The following WWOX variants were observed in gnomAD, a reference collection of about 807,000 sequenced individuals.
WWOX encodes the protein WW domain-containing oxidoreductase.
A neutral mutation model predicts 46.2 loss-of-function variants in WWOX; 69 were observed. The observed-to-expected ratio is 1.49, with a 90% CI of 1.23 to 1.82. The LOEUF is 1.82. WWOX is among the 40% of genes most tolerant of loss of function. The pLI, the probability that WWOX is intolerant of heterozygous loss-of-function variation, is 0.00. For missense variants in WWOX, 919 were observed against 542.6 expected (o/e 1.69, Z -6.89); for synonymous variants, 359 against 202.6 (o/e 1.77, Z -6.56).
At chr16:78,517,855 ATTTTTT>A (rs11342538) in intron 8 of WWOX, among the ~76,000 whole-genome samples, 1 of 86,394 alleles carries the variant, frequency 1.2e-5, no homozygotes. Context: ...TACACAACCT[ATTTTTT>A]TTTTTTTTTT....
At chr16:78,432,807 C>A (rs11150078) in intron 8 of WWOX, 55 bp downstream of exon 8, 22,921 of 1,612,774 alleles carry the variant, frequency 0.014, 254 homozygotes, top group African/African-American at 0.044. Flanking sequence ...GAAACCTGCA[C>A]ACTTGTGTCT....
chr16:78,980,959 G>A (rs915618713), intron 8 of WWOX, among the ~76,000 whole-genome samples: 1 of 152,110 alleles, frequency 6.6e-6, no homozygotes, highest in Admixed American at 6.6e-5. Context: ...AAAGTCACAG[G>A]GTTGGCCCCA....
At position 78,396,293 on chromosome 16, in the gene WWOX, G is replaced by A. The variant is rs549901440; in HGVS notation, c.605+9345G>A. Among the ~76,000 whole-genome samples, 3 of 151,968 alleles carry A rather than the reference G, an allele frequency of 2.0e-5. No homozygotes were observed. In the South Asian group the frequency reaches 6.2e-4, roughly 32 times the overall value. On this transcript the variant is annotated intron_variant, in intron 6 of 8. Coordinates refer to ENST00000566780, the MANE Select transcript of WWOX (RefSeq NM_016373.4). ...ACATCAATTAGGGGTCACTTAGCAT[G>A]ACATTTGTCGGAAAAAAAAAAGTTA...
chr16:78,236,231 C>T (rs1419345565), intron 5 of WWOX, among the ~76,000 whole-genome samples: 2 of 152,162 alleles, frequency 1.3e-5, no homozygotes, highest in African/African-American at 4.8e-5. Context: ...TTCTCACTGT[C>T]AATGTGTTCT....
chr16:78,497,869 A>C (rs548050404), intron 8 of WWOX, among the ~76,000 whole-genome samples: 1 of 19,488 alleles, frequency 5.1e-5, no homozygotes, highest in Non-Finnish European at 6.8e-4. Flanking sequence ...TAAAAAAATT[A>C]AAAAAGCCCA....
intron 4 of WWOX, among the ~76,000 whole-genome samples, chr16:78,144,236 A>G (rs2034087058): frequency 6.6e-6 from 1 of 151,420 alleles, no homozygotes; most frequent in Non-Finnish European, 1.5e-5. Context: ...TAATAGTTGA[A>G]TAGCACAGCT....
intron 8 of WWOX, among the ~76,000 whole-genome samples, chr16:79,105,052 A>T (rs1292515475): frequency 6.6e-6 from 1 of 152,058 alleles, no homozygotes; most frequent in African/African-American, 2.4e-5. Context: ...CAGTTTACAA[A>T]AGTGGAAAAT....
chr16:78,186,829 A>C (rs2035722309), intron 5 of WWOX, among the ~76,000 whole-genome samples: 1 of 152,238 alleles, frequency 6.6e-6, no homozygotes, highest in East Asian at 1.9e-4. Context: ...AGTTGCGAAG[A>C]ATAGTCTATA....
rs78813566 is a variant in WWOX, at chr16:79,170,202, A to G, written c.1057-41406A>G. On this transcript the variant is annotated intron_variant, in intron 8 of 8. Transcript: ENST00000566780. ...GAAATGATTCCCGGTAGAATGTCCTATGTTCCTTTTGCACATTTCTCCTTA... is the reference window on the plus strand; with the variant it reads ...GAAATGATTCCCGGTAGAATGTCCTGTGTTCCTTTTGCACATTTCTCCTTA... Among the ~76,000 whole-genome samples the G allele has an allele frequency of 3.4e-3, 512 of 152,298 alleles. 3 individuals carry two copies. Among genetic ancestry groups the G allele is most frequent in the African/African-American group, 0.01 (434 of 41,562 alleles).
At chr16:78,164,134 A>G (rs778740182) in intron 4 of WWOX, 49 bp from the exon 5 acceptor site, 1 of 1,522,518 alleles carries the variant, frequency 6.6e-7, no homozygotes, top group Non-Finnish European at 9.1e-7. Flanking sequence ...AACATGACTC[A>G]CTGTGTTGAT....
At chr16:79,080,340 T>A (rs988126366) in intron 8 of WWOX, among the ~76,000 whole-genome samples, 1 of 151,758 alleles carries the variant, frequency 6.6e-6, no homozygotes, top group Non-Finnish European at 1.5e-5. Context: ...AATCAGCTAT[T>A]TGTATTCCTC....
chr16:78,201,045 T>C (rs1036591286), intron 5 of WWOX, among the ~76,000 whole-genome samples: 14 of 152,360 alleles, frequency 9.2e-5, no homozygotes, highest in African/African-American at 3.1e-4. Context: ...GAAGAGAATA[T>C]GACCATTTCT....
rs117952639 is a variant in WWOX, at chr16:78,249,430, G to A, written c.516+85141G>A. On this transcript the variant is annotated intron_variant, in intron 5 of 8. Transcript: ENST00000566780. ...ATAGTAGCTACCTCCAGTGCACGCC[G>A]CATTAGCCTCTCCAATGAGTTTCTC... 4.6e-3 allele frequency among the ~76,000 whole-genome samples: 693 copies of A among 152,290 alleles called. 3 individuals carry two copies. The highest frequency in any genetic ancestry group is 0.017 in the Middle Eastern group (5 of 294).
chr16:78,597,706 T>C (rs2045523262), intron 8 of WWOX, among the ~76,000 whole-genome samples: 1 of 151,768 alleles, frequency 6.6e-6, no homozygotes, highest in South Asian at 2.1e-4. Flanking sequence ...ATAACATAAG[T>C]TGATAGTCAA....
intron 8 of WWOX, among the ~76,000 whole-genome samples, chr16:79,007,796 T>A (rs955710020): frequency 6.6e-6 from 1 of 152,242 alleles, no homozygotes; most frequent in Non-Finnish European, 1.5e-5. Context: ...TATTTATCAT[T>A]GACTAATAAT....
chr16:78,828,250 C>A (rs375100362), intron 8 of WWOX, among the ~76,000 whole-genome samples: 1 of 152,118 alleles, frequency 6.6e-6, no homozygotes, highest in Non-Finnish European at 1.5e-5. Context: ...AAGACAATGA[C>A]AATAAAAGCA....
rs530523430 is a variant in WWOX, at chr16:78,862,094, G to GTCTA, written c.1057-349511_1057-349510insATCT. ...CATATCTATACACACCTACGGGTGT[G>GTCTA]TCTGTATCTATACACACACCTATGG... is the stretch of plus-strand genomic sequence containing the variant. On this transcript the variant is annotated intron_variant, in intron 8 of 8. Transcript: ENST00000566780. Among the ~76,000 whole-genome samples, 331 of 152,010 alleles carry GTCTA rather than the reference G, an allele frequency of 2.2e-3. 1 individual carries two copies. The highest frequency in any genetic ancestry group is 0.021 in the East Asian group (107 of 5,154).
At chr16:78,226,414 A>G (rs2037056387) in intron 5 of WWOX, among the ~76,000 whole-genome samples, 1 of 151,582 alleles carries the variant, frequency 6.6e-6, no homozygotes, top group African/African-American at 2.4e-5. Context: ...TGCTGCCTAG[A>G]AAATATTAGA....
chr16:78,779,174 G>A (rs185676147), intron 8 of WWOX, among the ~76,000 whole-genome samples: 3 of 152,088 alleles, frequency 2.0e-5, no homozygotes, highest in Non-Finnish European at 4.4e-5. Flanking sequence ...TTTGAGACAG[G>A]GTCTTTGTTT....
Sources: allele counts gnomAD v4.1 joint callset (sites outside exome capture counted in the v4.1 genomes callset), GRCh38; gene constraint gnomAD v4.1.1; transcripts MANE v1.5; gene names NCBI Gene and HGNC (gene_info 2026-07-23, HGNC 2026-07-21).